SYTL5: variants seen among roughly 807,000 people sequenced by gnomAD.
SYTL5 encodes synaptotagmin-like protein 5.
A neutral mutation model predicts 55.9 loss-of-function variants in SYTL5; 34 were observed. The observed-to-expected ratio is 0.61, with a 90% CI of 0.46 to 0.81. SYTL5 has a LOEUF of 0.81. Among genes scored for constraint, SYTL5 ranks in the 30% least tolerant of loss-of-function variants. The probability of loss-of-function intolerance (pLI) is 0.00; values close to 1 mark genes in which losing one functional copy is unlikely to be tolerated. For missense variants in SYTL5, 637 were observed against 546.7 expected, an observed-to-expected ratio of 1.17 and a Z score of -1.65; for synonymous variants, 221 against 188.7, an observed-to-expected ratio of 1.17 and a Z score of -1.40.
chrX:38,122,355 C>T, intron 15 of SYTL5, 140 bp downstream of exon 15: 1 of 394,578 alleles, frequency 2.5e-6, no homozygotes, highest in Non-Finnish European at 4.2e-6. Flanking sequence ...TACATGCTGG[C>T]TCTTACATCT....
chrX:38,028,699 T>C (rs1261151738), intron 1 of SYTL5, among the ~76,000 whole-genome samples: 1 of 111,917 alleles, frequency 8.9e-6, no homozygotes, highest in African/African-American at 3.2e-5. Context: ...ATGAGAGTCC[T>C]GAAAGTTTTT....
chrX:37,954,238 G>A, the SYTL5 span, among the ~76,000 whole-genome samples: 1 of 111,654 alleles, frequency 9.0e-6, no homozygotes, highest in South Asian at 3.8e-4. Flanking sequence ...GCATTGAAAA[G>A]TCATTGAGGG....
chrX:38,080,257 T>C (rs1204531624), intron 6 of SYTL5, among the ~76,000 whole-genome samples: 1 of 111,989 alleles, frequency 8.9e-6, no homozygotes, highest in Non-Finnish European at 1.9e-5. Context: ...ACTAGAACTT[T>C]GAACCTAAAA....
intron 6 of SYTL5, among the ~76,000 whole-genome samples, chrX:38,077,738 C>T (rs1429984057): frequency 8.9e-6 from 1 of 111,938 alleles, no homozygotes; most frequent in Admixed American, 9.4e-5. Context: ...CAGTATTTCC[C>T]AAACTTTCAA....
Position 38,074,905 on chromosome X carries a change from AACACAC to A in SYTL5, c.554+1231_554+1236del, listed in dbSNP as rs72169928. ...TCATATTGCACTCTGACACCCCCTC[AACACAC>A]ACACACACACACACACACACACATG... On this transcript the variant is annotated intron_variant, in intron 5 of 16. Coordinates refer to ENST00000297875, the MANE Select transcript of SYTL5 (RefSeq NM_138780.3). 2.2e-4 allele frequency among the ~76,000 whole-genome samples: 23 copies of A among 102,885 alleles called. No individual in the cohort carries two copies. In the South Asian group the frequency reaches 4.6e-3, roughly 20 times the overall value. The allele number at this position is 102,885 out of a possible 115,157, so 89.3% of individuals were successfully genotyped here.
At chrX:38,090,329 C>T (rs1936768084) in intron 7 of SYTL5, among the ~76,000 whole-genome samples, 1 of 111,593 alleles carries the variant, frequency 9.0e-6, no homozygotes, top group Admixed American at 9.5e-5. Context: ...TTCTATACAT[C>T]TGTTAACATA....
the SYTL5 span, among the ~76,000 whole-genome samples, chrX:37,903,761 C>T: frequency 9.0e-6 from 1 of 111,207 alleles, no homozygotes; most frequent in Non-Finnish European, 1.9e-5. Context: ...ATATTTCTCC[C>T]TTCTTGTCTT....
the SYTL5 span, among the ~76,000 whole-genome samples, chrX:37,900,199 C>T: frequency 6.2e-5 from 7 of 112,011 alleles, no homozygotes; most frequent in Non-Finnish European, 1.3e-4. Flanking sequence ...ATGCCTAGAA[C>T]AGTGCCTGGT....
At chrX:37,895,473 CCT>C in the SYTL5 span, among the ~76,000 whole-genome samples, 373 of 91,888 alleles carry the variant, frequency 4.1e-3, 5 homozygotes, top group African/African-American at 0.017. Flanking sequence ...TCCCTCCCTC[CCT>C]CTCTCTCTCT....
the SYTL5 span, among the ~76,000 whole-genome samples, chrX:37,968,494 A>G: frequency 0.39 from 43,261 of 110,402 alleles, 6,564 homozygotes; most frequent in Middle Eastern, 0.5. Context: ...AAATAGTCCT[A>G]TGATTCTGTG....
chrX:37,987,062 G>T, the SYTL5 span, among the ~76,000 whole-genome samples: 1 of 111,018 alleles, frequency 9.0e-6, no homozygotes, highest in Non-Finnish European at 1.9e-5. Flanking sequence ...CTAGTCTGGG[G>T]ATTTGTCCAT....
intron 13 of SYTL5, among the ~76,000 whole-genome samples, chrX:38,117,906 A>G (rs914145079): frequency 1.1e-4 from 12 of 111,669 alleles, no homozygotes; most frequent in Non-Finnish European, 1.7e-4. Flanking sequence ...AAACTGGCAC[A>G]TTGTCACTTC....
chrX:38,059,693 T>A (rs945603140), intron 3 of SYTL5, among the ~76,000 whole-genome samples: 4 of 110,301 alleles, frequency 3.6e-5, no homozygotes, highest in Non-Finnish European at 7.6e-5. Flanking sequence ...AGTTTTGGGG[T>A]TTTTTGTTTG....
chrX:38,042,951 G>A (rs1043735863), intron 2 of SYTL5, among the ~76,000 whole-genome samples: 1 of 111,803 alleles, frequency 8.9e-6, no homozygotes, highest in African/African-American at 3.2e-5. Flanking sequence ...AATCTTATAA[G>A]AATGTTCCTA....
intron 16 of SYTL5, among the ~76,000 whole-genome samples, chrX:38,126,221 T>A (rs968562300): frequency 8.9e-6 from 1 of 111,763 alleles, no homozygotes; most frequent in African/African-American, 3.3e-5. Context: ...GCCAAAAATA[T>A]CTATACCACT....
chrX:37,970,364 T>TTG, the SYTL5 span, among the ~76,000 whole-genome samples: 1 of 109,975 alleles, frequency 9.1e-6, no homozygotes. Context: ...CTTTTTTTTT[T>TTG]TTTTACCAAA....
intron 1 of SYTL5, among the ~76,000 whole-genome samples, chrX:38,021,730 C>T (rs1467190754): frequency 8.9e-6 from 1 of 112,055 alleles, no homozygotes; most frequent in Admixed American, 9.5e-5. Context: ...CACTTCCAGG[C>T]CAGGACATTT....
chrX:38,117,828 G>A (rs1395352746), intron 13 of SYTL5, among the ~76,000 whole-genome samples: 1 of 111,692 alleles, frequency 9.0e-6, no homozygotes, highest in African/African-American at 3.3e-5. Flanking sequence ...GTTCCCAGAG[G>A]AAGCATTCGG....
At chrX:37,960,940 C>T in the SYTL5 span, among the ~76,000 whole-genome samples, 22 of 109,464 alleles carry the variant, frequency 2.0e-4, no homozygotes, top group East Asian at 4.0e-3. Context: ...GGACTACAGG[C>T]GCCTGCCACC....
Sources: gnomAD v4.1 joint callset for allele counts (sites outside exome capture counted in the v4.1 genomes callset) on GRCh38, gnomAD v4.1.1 for gene constraint, MANE v1.5 for transcripts, NCBI Gene and HGNC (gene_info 2026-07-23, HGNC 2026-07-21) for gene names.